The following CTNNA3 variants were observed in gnomAD, a reference collection of about 807,000 sequenced individuals.
The protein encoded by CTNNA3 is catenin alpha-3.
CTNNA3 carries 76 observed loss-of-function variants against 95.7 expected under a neutral mutation model. The ratio of observed to expected loss-of-function variants is 0.79; its 90% CI spans 0.66 to 0.96. The LOEUF is 0.96. Among genes scored for constraint, CTNNA3 ranks in the 40% least tolerant of loss-of-function variants. The pLI is 0.00. For missense variants in CTNNA3, 1,191 were observed against 1,089.8 expected, an observed-to-expected ratio of 1.09 and a Z score of -1.31; for synonymous variants, 431 against 374.4, an observed-to-expected ratio of 1.15 and a Z score of -1.74.
In CTNNA3 at chr10:67,473,656, T is replaced by A. The variant is rs559517606; in HGVS notation, c.579+48186A>T. 2.0e-3 allele frequency among the ~76,000 whole-genome samples: 304 copies of A among 151,892 alleles called. 3 individuals carry two copies. In the South Asian group the frequency reaches 0.025, roughly 13 times the overall value. ...ATTCACAGATTCCAAATCCACAGAC[T>A]GAACCAACTGCAGATCAGAAACATT... is the stretch of plus-strand genomic sequence containing the variant. On this transcript the variant is annotated intron_variant, in intron 5 of 17. Coordinates refer to ENST00000433211, the MANE Select transcript of CTNNA3 (RefSeq NM_013266.4).
At chr10:67,041,584 T>C (rs1229190609) in intron 7 of CTNNA3, among the ~76,000 whole-genome samples, 2 of 152,146 alleles carry the variant, frequency 1.3e-5, no homozygotes, top group Admixed American at 6.6e-5. Context: ...ATAAAAGCAA[T>C]GGAAATTAAA....
At chr10:66,274,287 C>T (rs950456964) in intron 13 of CTNNA3, among the ~76,000 whole-genome samples, 2 of 152,042 alleles carry the variant, frequency 1.3e-5, no homozygotes, top group African/African-American at 2.4e-5. Context: ...GTCACAATAT[C>T]ATATTCTTCT....
intron 1 of CTNNA3, among the ~76,000 whole-genome samples, chr10:67,718,091 G>T (rs1841155246): frequency 6.6e-6 from 1 of 152,126 alleles, no homozygotes; most frequent in Non-Finnish European, 1.5e-5. Context: ...ATTGTAAAAG[G>T]GAGTTCACTC....
chr10:67,125,162 A>T (rs1055039291), intron 7 of CTNNA3, among the ~76,000 whole-genome samples: 1 of 152,214 alleles, frequency 6.6e-6, no homozygotes, highest in East Asian at 1.9e-4. Context: ...TAAATATTTA[A>T]TACGTTTTTT....
At chr10:66,431,958 C>T (rs1361270550) in intron 11 of CTNNA3, among the ~76,000 whole-genome samples, 3 of 151,710 alleles carry the variant, frequency 2.0e-5, no homozygotes, top group Non-Finnish European at 4.4e-5. Context: ...AATGTTCAAC[C>T]TGTTAATATC....
intron 16 of CTNNA3, among the ~76,000 whole-genome samples, chr10:65,979,688 C>T (rs981422478): frequency 6.6e-6 from 1 of 151,814 alleles, no homozygotes; most frequent in Non-Finnish European, 1.5e-5. Context: ...ATGAAGTGAA[C>T]CTGAATAGAT....
intron 5 of CTNNA3, among the ~76,000 whole-genome samples, chr10:67,520,314 T>C (rs776156681): frequency 1.4e-4 from 21 of 152,306 alleles, no homozygotes; most frequent in Non-Finnish European, 2.8e-4. Context: ...TCTACCCTTC[T>C]GCCCCTGAGG....
chr10:66,306,908 G>A (rs2091942375), intron 12 of CTNNA3, among the ~76,000 whole-genome samples: 1 of 152,142 alleles, frequency 6.6e-6, no homozygotes, highest in Non-Finnish European at 1.5e-5. Context: ...CTTAAAACTA[G>A]GCTGAAAGAA....
chr10:67,293,048 G>A (rs10740273), intron 5 of CTNNA3, among the ~76,000 whole-genome samples: 38,088 of 151,766 alleles, frequency 0.25, 6,976 homozygotes, highest in African/African-American at 0.51. Context: ...AGTCAATAAA[G>A]CAGAACCATC....
At chr10:65,959,624 A>T (rs2077801718) in intron 17 of CTNNA3, among the ~76,000 whole-genome samples, 1 of 152,100 alleles carries the variant, frequency 6.6e-6, no homozygotes, top group African/African-American at 2.4e-5. Flanking sequence ...TCCTGGGTTC[A>T]GGTCATCCTC....
intron 10 of CTNNA3, among the ~76,000 whole-genome samples, chr10:66,537,060 A>G (rs764647119): frequency 6.6e-6 from 1 of 152,130 alleles, no homozygotes; most frequent in African/African-American, 2.4e-5. Context: ...TGAAAAAAAA[A>G]AAGACTTACA....
intron 5 of CTNNA3, among the ~76,000 whole-genome samples, chr10:67,448,248 T>C (rs1179678931): frequency 6.6e-6 from 1 of 152,204 alleles, no homozygotes; most frequent in African/African-American, 2.4e-5. Context: ...TTAGAATATA[T>C]GAATAAATGT....
intron 5 of CTNNA3, among the ~76,000 whole-genome samples, chr10:67,433,366 ACT>A (rs1253453235): frequency 6.6e-6 from 1 of 152,034 alleles, no homozygotes; most frequent in Non-Finnish European, 1.5e-5. Context: ...ATCAATGAGC[ACT>A]GATCACAAAT....
At chr10:66,888,180 T>G (rs768715486) in intron 7 of CTNNA3, among the ~76,000 whole-genome samples, 4 of 152,140 alleles carry the variant, frequency 2.6e-5, no homozygotes, top group Non-Finnish European at 4.4e-5. Flanking sequence ...TTCTGAGCTG[T>G]AGTGGCCCAT....
chr10:66,408,941 T>C (rs1485127491), intron 11 of CTNNA3, among the ~76,000 whole-genome samples: 2 of 152,134 alleles, frequency 1.3e-5, no homozygotes, highest in African/African-American at 4.8e-5. Flanking sequence ...ATGGCTTAAG[T>C]TGAACTAGAA....
At chr10:67,132,317 T>A (rs1348440766) in intron 7 of CTNNA3, among the ~76,000 whole-genome samples, 1 of 152,040 alleles carries the variant, frequency 6.6e-6, no homozygotes, top group African/African-American at 2.4e-5. Context: ...TCTATGAGAT[T>A]AAGTAGAAAT....
chr10:67,569,078 A>T (rs944475723), intron 3 of CTNNA3, among the ~76,000 whole-genome samples: 4 of 152,190 alleles, frequency 2.6e-5, no homozygotes, highest in Admixed American at 2.0e-4. Context: ...TAGCTGGCAG[A>T]AAGTTTATGG....
chr10:66,507,503 C>A (rs1289578066), intron 11 of CTNNA3, among the ~76,000 whole-genome samples: 1 of 152,108 alleles, frequency 6.6e-6, no homozygotes, highest in East Asian at 1.9e-4. Context: ...TATCCTCCTT[C>A]TCCCTTACTG....
At position 66,379,303 on chromosome 10, in the gene CTNNA3, G is replaced by T; in HGVS notation, c.1581C>A (p.Asp527Glu). ...CACGGTCTAAATTATCAGCATCCTG[G>T]TCTCTTAAGGCTATGATACACTTGT... is the stretch of plus-strand genomic sequence containing the variant. ...DVNKCIIALR[D>E]QDADNLDRAA... is the part of the protein sequence containing the mutation. The change falls in exon 12 of 18, where the codon GAC (aspartate) becomes GAA (glutamate). Residue 527 changes from aspartate (D) to glutamate (E), a missense_variant. Transcript: ENST00000433211. 7.4e-6 allele frequency: 12 copies of T among 1,614,044 alleles called. No homozygotes were observed. Among genetic ancestry groups the T allele is most frequent in the Non-Finnish European group, 1.0e-5 (12 of 1,179,974 alleles).
Sources: gnomAD v4.1 joint callset for allele counts (sites outside exome capture counted in the v4.1 genomes callset) on GRCh38, gnomAD v4.1.1 for gene constraint, MANE v1.5 for transcripts, NCBI Gene and HGNC (gene_info 2026-07-23, HGNC 2026-07-21) for gene names.